The following RAD54L2 variants were observed in gnomAD, a reference collection of about 807,000 sequenced individuals.
RAD54L2 encodes the protein helicase ARIP4.
RAD54L2 carries 27 observed loss-of-function variants against 138.4 expected under a neutral mutation model. The ratio of observed to expected loss-of-function variants is 0.20; its 90% CI spans 0.14 to 0.27. The LOEUF is 0.27. Ranked by LOEUF, RAD54L2 falls within the 10% of genes least tolerant of loss-of-function variation. RAD54L2 has a pLI of 1.00. For missense variants in RAD54L2, 1,396 were observed against 1,890.2 expected (o/e 0.74, Z 4.85); for synonymous variants, 644 against 723.2 (o/e 0.89, Z 1.76).
At chr3:51,570,977 G>A (rs1228650121) in intron 2 of RAD54L2, among the ~76,000 whole-genome samples, 10 of 151,918 alleles carry the variant, frequency 6.6e-5, no homozygotes, top group African/African-American at 1.4e-4. Flanking sequence ...GCCTGCCACC[G>A]TGCCTGGCTA....
chr3:51,609,315 A>C (rs1577422369), intron 3 of RAD54L2, among the ~76,000 whole-genome samples: 1 of 152,176 alleles, frequency 6.6e-6, no homozygotes, highest in Admixed American at 6.5e-5. Flanking sequence ...TTAGTTTATT[A>C]TTTTGCCAAG....
rs1449352976 is a variant in RAD54L2, at chr3:51,639,670, G to A, written c.2112G>A (p.Trp704Ter). The A allele has an allele frequency of 6.2e-7, 1 of 1,613,246 alleles. No homozygotes were observed. The highest frequency in any genetic ancestry group is 1.3e-5 in the African/African-American group (1 of 74,900). Reference protein sequence around the residue: ...ERGNNIVTYEWAKDLLTNYQT... With the variant: ...ERGNNIVTYE ...GCAACAACATTGTCACATATGAATG[G>A]GTGAGTCAAGCAGATCCTTCAGGAA... The change falls in exon 13 of 23, where the codon TGG becomes TGA. Residue 704 changes from tryptophan (W) to a stop codon, truncating the protein, a stop_gained and splice_region_variant. Transcript: ENST00000684192. LOFTEE classifies it high-confidence loss of function.
intron 3 of RAD54L2, among the ~76,000 whole-genome samples, chr3:51,592,029 T>C (rs1699848652): frequency 6.6e-6 from 1 of 150,496 alleles, no homozygotes; most frequent in Non-Finnish European, 1.5e-5. Flanking sequence ...CTCAGAATAA[T>C]GTAGCTGTGC....
chr3:51,643,454 G>C (rs1256591662), intron 15 of RAD54L2, among the ~76,000 whole-genome samples: 1 of 152,168 alleles, frequency 6.6e-6, no homozygotes, highest in Non-Finnish European at 1.5e-5. Context: ...TCAGGAGCTG[G>C]TTAAAAATGC....
chr3:51,668,162 CAG>C lies in RAD54L2; in HGVS notation c.*4743_*4744del, dbSNP rs1701951636. The C allele has an allele frequency of 6.6e-6, 1 of 152,402 alleles. No homozygotes were observed. Among genetic ancestry groups the C allele is most frequent in the Non-Finnish European group, 1.5e-5 (1 of 68,178 alleles). 9.4% of individuals were successfully genotyped at this position (152,402 alleles called of 1,614,324 possible). A position where few individuals can be genotyped will look rare whatever the true frequency, so the allele number is the denominator to read the frequency against. ...ATGACTGTTATCTGGTTGTGTTACT[CAG>C]GGTGGGCTGGGGACTCACCAGAAGA... On this transcript the variant is annotated 3_prime_UTR_variant, in exon 23 of 23. Transcript: ENST00000684192.
At chr3:51,556,143 A>G (rs1698958543) in intron 2 of RAD54L2, among the ~76,000 whole-genome samples, 1 of 152,134 alleles carries the variant, frequency 6.6e-6, no homozygotes, top group Non-Finnish European at 1.5e-5. Context: ...TACATAAACG[A>G]TAGGACCACA....
At chr3:51,590,826 G>A (rs1263402479) in intron 3 of RAD54L2, among the ~76,000 whole-genome samples, 2 of 152,138 alleles carry the variant, frequency 1.3e-5, no homozygotes, top group Admixed American at 6.6e-5. Flanking sequence ...CCAGAGATTC[G>A]AGTGTTGCAT....
At chr3:51,627,521 A>G in intron 3 of RAD54L2, 32 bp from the exon 4 acceptor site, 1 of 1,543,790 alleles carries the variant, frequency 6.5e-7, no homozygotes. Flanking sequence ...CCTCACCCCT[A>G]TAAAGCAATG....
At chr3:51,600,344 A>G (rs1384918459) in intron 3 of RAD54L2, among the ~76,000 whole-genome samples, 7 of 152,322 alleles carry the variant, frequency 4.6e-5, no homozygotes, top group African/African-American at 1.2e-4. Context: ...GCTGGCCACA[A>G]TGGCTTACAC....
In RAD54L2 at chr3:51,656,121, C is replaced by G; in HGVS notation, c.3177C>G (p.Asn1059Lys). The G allele has an allele frequency of 3.7e-6, 6 of 1,614,016 alleles. No individual in the cohort carries two copies. The highest frequency in any genetic ancestry group is 5.1e-6 in the Non-Finnish European group (6 of 1,179,872). Residue 1059 changes from asparagine to lysine, a missense_variant, in exon 20 of 23, where the codon AAC becomes AAG. By Grantham distance (94) the Asn-to-Lys change is moderately conservative (BLOSUM62 0). Coordinates refer to ENST00000684192, the MANE Select transcript of RAD54L2 (RefSeq NM_015106.4). ...STNPSMNFPI[N>K]YLQRAGVLVQ... is the part of the protein sequence containing the mutation. ...ATCCATCCATGAACTTTCCCATCAACTACTTGCAGCGTGCAGGAGTCCTTG... is the reference window on the plus strand; with the variant it reads ...ATCCATCCATGAACTTTCCCATCAAGTACTTGCAGCGTGCAGGAGTCCTTG...
At position 51,552,409 on chromosome 3, in the gene RAD54L2, C is replaced by G. The variant is rs190657884; in HGVS notation, c.-55+10759C>G. ...TCCCGAGTAGGTGGGACTACAGGCA[C>G]CCGCCACCACGCCCGGCTGAGTTTT... On this transcript the variant is annotated intron_variant, in intron 2 of 22. Transcript: ENST00000684192. Among the ~76,000 whole-genome samples the G allele has an allele frequency of 3.3e-3, 500 of 150,132 alleles. 4 individuals are homozygous for G. Among genetic ancestry groups the G allele is most frequent in the African/African-American group, 0.012 (483 of 40,814 alleles).
At position 51,608,450 on chromosome 3, in the gene RAD54L2, C is replaced by T. The variant is rs1316361168; in HGVS notation, c.139+17891C>T. ...GGCGGCCGGGCAGAGGCTGCAATCT[C>T]GGCACTTTGGGAGGCCAAGGCAGGC... On this transcript the variant is annotated intron_variant, in intron 3 of 22. Transcript: ENST00000684192. 6.6e-5 allele frequency among the ~76,000 whole-genome samples: 10 copies of T among 152,306 alleles called. No individual in the cohort carries two copies. The South Asian group carries it at 1.0e-3, about 16-fold the overall frequency.
chr3:51,626,436 C>T (rs76582611), intron 3 of RAD54L2, among the ~76,000 whole-genome samples: 142 of 39,376 alleles, frequency 3.6e-3, no homozygotes, highest in East Asian at 0.016. Context: ...CCCCAACGAT[C>T]TTTTTTTTTT....
In RAD54L2 at chr3:51,609,331, GC is replaced by G. The variant is rs1700277556; in HGVS notation, c.140-18221del. ...TAGTTTATTATTTTGCCAAGGCATGGCTTAAAATGATGCTTGCTTTATCCCT... is the reference window on the plus strand; with the variant it reads ...TAGTTTATTATTTTGCCAAGGCATGGTTAAAATGATGCTTGCTTTATCCCT... On this transcript the variant is annotated intron_variant, in intron 3 of 22. Coordinates refer to ENST00000684192, the MANE Select transcript of RAD54L2 (RefSeq NM_015106.4). 2.6e-5 allele frequency among the ~76,000 whole-genome samples: 4 copies of G among 152,316 alleles called. No homozygotes were observed. In the South Asian group the frequency reaches 8.3e-4, roughly 32 times the overall value.
intron 2 of RAD54L2, among the ~76,000 whole-genome samples, chr3:51,551,740 G>A (rs977220365): frequency 6.6e-6 from 1 of 150,560 alleles, no homozygotes; most frequent in Non-Finnish European, 1.5e-5. Context: ...CGGCCTGTAG[G>A]ATACATTTCT....
chr3:51,657,666 A>C lies in RAD54L2; in HGVS notation c.3313A>C (p.Lys1105Gln). Residue 1105 changes from lysine (K) to glutamine (Q), a missense_variant, in exon 21 of 23, where the codon AAA becomes CAA. Physicochemically the swap from Lys to Gln is moderately conservative, Grantham distance 53 (BLOSUM62 1). Around this residue, in one of 7 missense-constraint regions of RAD54L2, gnomAD observed 634 missense variants for 711.2 expected, o/e 0.89. Transcript: ENST00000684192. ...GESIHIIRGTKGTYIRTSDGR... is the reference protein window; with the variant it reads ...GESIHIIRGTQGTYIRTSDGR... Reference sequence around the variant, plus strand: ...GAGCATCCACATCATCCGTGGGACAAAAGGTAAGAGCCTGACCAAGGACCT... The same window carrying C: ...GAGCATCCACATCATCCGTGGGACACAAGGTAAGAGCCTGACCAAGGACCT... 6.4e-7 allele frequency: 1 copy of C among 1,561,826 alleles called. No individual in the cohort carries two copies. Among genetic ancestry groups the C allele is most frequent in the Non-Finnish European group, 8.7e-7 (1 of 1,148,096 alleles).
At chr3:51,631,738 G>C (rs1700848478) in intron 7 of RAD54L2, among the ~76,000 whole-genome samples, 1 of 152,044 alleles carries the variant, frequency 6.6e-6, no homozygotes, top group Non-Finnish European at 1.5e-5. Context: ...CCTGGGCTCA[G>C]GTGATCCTCC....
chr3:51,608,188 G>C (rs1355083358), intron 3 of RAD54L2, among the ~76,000 whole-genome samples: 2 of 151,658 alleles, frequency 1.3e-5, no homozygotes, highest in Non-Finnish European at 2.9e-5. Context: ...GTTCCCACAC[G>C]GGGTCGCGGC....
Position 51,538,796 on chromosome 3 carries a change from T to TCCCGCCTCAGCCGCCGCC in RAD54L2, c.-227_-210dup, listed in dbSNP as rs1274790622. Among the ~76,000 whole-genome samples, 6 of 151,620 alleles carry TCCCGCCTCAGCCGCCGCC rather than the reference T, an allele frequency of 4.0e-5. No homozygotes were observed. The highest frequency in any genetic ancestry group is 8.8e-5 in the Non-Finnish European group (6 of 67,854). Reference sequence around the variant, plus strand: ...CGGCGCCCGGGCCTGGCCGGCTGCTTCCCGCCTCAGCCGCCGCCCCCGCCT... The same window carrying TCCCGCCTCAGCCGCCGCC: ...CGGCGCCCGGGCCTGGCCGGCTGCTTCCCGCCTCAGCCGCCGCCCCCGCCTCAGCCGCCGCCCCCGCCT... On this transcript the variant is annotated 5_prime_UTR_variant, in exon 1 of 23. Transcript: ENST00000684192.
Sources: gnomAD v4.1 joint callset for allele counts (sites outside exome capture counted in the v4.1 genomes callset) on GRCh38, gnomAD v4.1.1 for gene constraint, gnomAD v4.1.1 regional missense constraint, MANE v1.5 for transcripts, NCBI Gene and HGNC (gene_info 2026-07-23, HGNC 2026-07-21) for gene names.